Variants in CRYGD observed in about 807,000 individuals in gnomAD.
The protein encoded by CRYGD is gamma-crystallin D.
A neutral mutation model predicts 11.3 loss-of-function variants in CRYGD; 13 were observed. The ratio of observed to expected loss-of-function variants is 1.15; its 90% CI spans 0.75 to 1.83. CRYGD has a LOEUF of 1.83. CRYGD is among the 40% of genes most tolerant of loss of function. CRYGD has a pLI of 0.00. For missense variants in CRYGD, 231 were observed against 229.9 expected (o/e 1.00, Z -0.03); for synonymous variants, 77 against 89.5 (o/e 0.86, Z 0.79).
chr2:208,122,629 G>A (rs563882109), intron 2 of CRYGD, among the ~76,000 whole-genome samples: 2 of 150,580 alleles, frequency 1.3e-5, no homozygotes, highest in Admixed American at 6.6e-5. Context: ...CTGGGAAGCC[G>A]AGGCAGGTGG....
chr2:208,121,834 G>A lies in CRYGD; in HGVS notation c.364C>T (p.His122Tyr). Residue 122 changes from histidine to tyrosine, a missense_variant, in exon 3 of 3, where the codon CAC (histidine) becomes TAC (tyrosine). By Grantham distance (83) the His-to-Tyr change is moderately conservative (BLOSUM62 2). Coordinates refer to ENST00000264376, the MANE Select transcript of CRYGD (RefSeq NM_006891.4). ...LQDRFRFNEIHSLNVLEGSWV... is the reference protein window; with the variant it reads ...LQDRFRFNEIYSLNVLEGSWV... ...GAGCCCTCCAGCACGTTGAGGGAGTGGATTTCATTGAAGCGGAAGCGGTCC... is the reference window on the plus strand; with the variant it reads ...GAGCCCTCCAGCACGTTGAGGGAGTAGATTTCATTGAAGCGGAAGCGGTCC... The A allele has an allele frequency of 6.2e-7, 1 of 1,614,162 alleles. No homozygotes were observed.
At chr2:208,122,103 G>A (rs1694876354) in intron 2 of CRYGD, among the ~76,000 whole-genome samples, 158 bp from the exon 3 acceptor site, 1 of 152,120 alleles carries the variant, frequency 6.6e-6, no homozygotes, top group Admixed American at 6.5e-5. Flanking sequence ...TCATTACCGA[G>A]CACAGAGATT....
In CRYGD at chr2:208,124,524, C is replaced by T; in HGVS notation, c.-51G>A. 3.9e-6 allele frequency: 6 copies of T among 1,537,254 alleles called. No homozygotes were observed. The highest frequency in any genetic ancestry group is 5.2e-6 in the Non-Finnish European group (6 of 1,145,092). On this transcript the variant is annotated 5_prime_UTR_variant, in exon 1 of 3. Coordinates refer to ENST00000264376, the MANE Select transcript of CRYGD (RefSeq NM_006891.4). Reference sequence around the variant, plus strand: ...GAGCTGGTGGGGCGGCGGCGCTGAGCGGGTGGGGCTGCGGCGCGGCGGGCT... The same window carrying T: ...GAGCTGGTGGGGCGGCGGCGCTGAGTGGGTGGGGCTGCGGCGCGGCGGGCT...
chr2:208,122,632 G>A (rs962555345), intron 2 of CRYGD, among the ~76,000 whole-genome samples: 1 of 150,634 alleles, frequency 6.6e-6, no homozygotes, highest in Non-Finnish European at 1.5e-5. Context: ...GGAAGCCGAG[G>A]CAGGTGGATC....
At position 208,121,662 on chromosome 2, in the gene CRYGD, G is replaced by C; in HGVS notation, c.*11C>G. On this transcript the variant is annotated 3_prime_UTR_variant, in exon 3 of 3. Coordinates refer to ENST00000264376, the MANE Select transcript of CRYGD (RefSeq NM_006891.4). ...GTTTCCAAATTAAGAAACAACAAAA[G>C]AGGACATATTTCAGGAGAAATCTAT... 6.2e-7 allele frequency: 1 copy of C among 1,611,742 alleles called. No individual in the cohort carries two copies. The highest frequency in any genetic ancestry group is 1.1e-5 in the South Asian group (1 of 90,822).
At position 208,121,823 on chromosome 2, in the gene CRYGD, G is replaced by T. The variant is rs529629277; in HGVS notation, c.375C>A (p.Asn125Lys). Residue 125 changes from asparagine (N) to lysine (K), a missense_variant, in exon 3 of 3, where the codon AAC (asparagine) becomes AAA (lysine). Transcript: ENST00000264376. The part of the protein sequence containing the change: ...RFRFNEIHSL[N>K]VLEGSWVLYE... ...AGAGGACCCAGGAGCCCTCCAGCAC[G>T]TTGAGGGAGTGGATTTCATTGAAGC... The T allele has an allele frequency of 5.6e-6, 9 of 1,614,178 alleles. No homozygotes were observed. In the South Asian group the frequency reaches 6.6e-5, roughly 12 times the overall value.
chr2:208,124,422 G>A, intron 1 of CRYGD, 43 bp downstream of exon 1: 2 of 1,595,338 alleles, frequency 1.3e-6, no homozygotes, highest in Non-Finnish European at 1.7e-6. Flanking sequence ...TGGCCCCCGC[G>A]ATGGAGGAAG....
intron 2 of CRYGD, among the ~76,000 whole-genome samples, chr2:208,122,948 A>G (rs1018350047): frequency 1.3e-5 from 2 of 150,436 alleles, no homozygotes; most frequent in African/African-American, 4.9e-5. Flanking sequence ...AACTCCAGCT[A>G]CTCAGGAGAC....
At position 208,124,507 on chromosome 2, in the gene CRYGD, G is replaced by A. The variant is rs1326522498; in HGVS notation, c.-34C>T. 1.3e-6 allele frequency: 2 copies of A among 1,544,684 alleles called. No individual in the cohort carries two copies. Among genetic ancestry groups the A allele is most frequent in the Non-Finnish European group, 1.7e-6 (2 of 1,151,326 alleles). On this transcript the variant is annotated 5_prime_UTR_variant, in exon 1 of 3. Coordinates refer to ENST00000264376, the MANE Select transcript of CRYGD (RefSeq NM_006891.4). ...GGGCGCACGGCGGTGCTGAGCTGGTGGGGCGGCGGCGCTGAGCGGGTGGGG... is the reference window on the plus strand; with the variant it reads ...GGGCGCACGGCGGTGCTGAGCTGGTAGGGCGGCGGCGCTGAGCGGGTGGGG...
At chr2:208,122,076 G>T in intron 2 of CRYGD, 131 bp from the exon 3 acceptor site, 1 of 1,303,456 alleles carries the variant, frequency 7.7e-7, no homozygotes, top group Non-Finnish European at 1.1e-6. Context: ...AATTAATTCT[G>T]AATATTTATA....
Position 208,121,636 on chromosome 2 carries a change from A to C in CRYGD, c.*37T>G, listed in dbSNP as rs1174353078. ...AGGAACACACAGAAAATATTTTATT[A>C]GTTTCCAAATTAAGAAACAACAAAA... On this transcript the variant is annotated 3_prime_UTR_variant, in exon 3 of 3. Coordinates refer to ENST00000264376, the MANE Select transcript of CRYGD (RefSeq NM_006891.4). 6.2e-7 allele frequency: 1 copy of C among 1,603,966 alleles called. No individual in the cohort carries two copies. The highest frequency in any genetic ancestry group is 1.3e-5 in the African/African-American group (1 of 74,474).
intron 2 of CRYGD, among the ~76,000 whole-genome samples, chr2:208,123,305 AAATAT>A (rs1694909340): frequency 6.8e-6 from 1 of 146,978 alleles, no homozygotes; most frequent in Non-Finnish European, 1.5e-5. Context: ...TATGTATTTT[AAATAT>A]AAGTATTTAA....
chr2:208,121,896 T>C lies in CRYGD; in HGVS notation c.302A>G (p.Gln101Arg). ...GCAGTCCTCAGTGAACTCTATCATC[T>C]GGCCTCTGTAGTCCTCTCTCTCATA... ...RLYEREDYRG[Q>R]MIEFTEDCSC... is the part of the protein sequence containing the mutation. The change falls in exon 3 of 3, where the codon CAG (glutamine) becomes CGG (arginine). Residue 101 changes from glutamine (Q) to arginine (R), a missense_variant. Gln to Arg is a conservative substitution (Grantham distance 43). Coordinates refer to ENST00000264376, the MANE Select transcript of CRYGD (RefSeq NM_006891.4). The C allele has an allele frequency of 1.9e-6, 3 of 1,614,174 alleles. No homozygotes were observed. Among genetic ancestry groups the C allele is most frequent in the Non-Finnish European group, 2.5e-6 (3 of 1,180,028 alleles).
chr2:208,123,599 C>A (rs961129215), intron 2 of CRYGD, among the ~76,000 whole-genome samples: 1 of 152,022 alleles, frequency 6.6e-6, no homozygotes, highest in African/African-American at 2.4e-5. Flanking sequence ...TTTGCATAAA[C>A]TTTAGTGTTC....
chr2:208,123,742 CAAAA>C (rs1039545209), intron 2 of CRYGD, among the ~76,000 whole-genome samples: 1 of 152,162 alleles, frequency 6.6e-6, no homozygotes, highest in Non-Finnish European at 1.5e-5. Flanking sequence ...GAAAAAGTCT[CAAAA>C]GAAATTACCC....
At chr2:208,123,359 G>T (rs1300116178) in intron 2 of CRYGD, among the ~76,000 whole-genome samples, 1 of 145,820 alleles carries the variant, frequency 6.9e-6, no homozygotes, top group Non-Finnish European at 1.5e-5. Flanking sequence ...TGAATTAAAT[G>T]ATAATGCATC....
At chr2:208,123,191 T>C (rs1694905554) in intron 2 of CRYGD, among the ~76,000 whole-genome samples, 1 of 147,270 alleles carries the variant, frequency 6.8e-6, no homozygotes, top group African/African-American at 2.5e-5. Context: ...ATAATTTATG[T>C]AGTTATATAA....
At chr2:208,122,213 G>T (rs1694878263) in intron 2 of CRYGD, among the ~76,000 whole-genome samples, 1 of 151,796 alleles carries the variant, frequency 6.6e-6, no homozygotes, top group South Asian at 2.1e-4. Flanking sequence ...TGCCTCCTAG[G>T]CTCAGTATCC....
In CRYGD at chr2:208,124,215, T is replaced by C. The variant is rs1363894188; in HGVS notation, c.149A>G (p.Asn50Ser). Residue 50 changes from asparagine to serine, a missense_variant, in exon 2 of 3, where the codon AAC (asparagine) becomes AGC (serine). Physicochemically the swap from Asn to Ser is conservative, Grantham distance 46. Coordinates refer to ENST00000264376, the MANE Select transcript of CRYGD (RefSeq NM_006891.4). ...SGCWMLYEQP[N>S]YSGLQYFLRR... ...CAGGAAGTACTGGAGGCCCGAGTAG[T>C]TGGGCTGCTCATAGAGCATCCAGCA... The C allele has an allele frequency of 2.5e-6, 4 of 1,612,116 alleles. No homozygotes were observed. Among genetic ancestry groups the C allele is most frequent in the African/African-American group, 1.3e-5 (1 of 74,866 alleles).
Sources: allele counts gnomAD v4.1 joint callset (sites outside exome capture counted in the v4.1 genomes callset), GRCh38; gene constraint gnomAD v4.1.1; transcripts MANE v1.5; gene names NCBI Gene and HGNC (gene_info 2026-07-23, HGNC 2026-07-21).